Variants in GPC6 observed in about 807,000 individuals in gnomAD.
The protein encoded by GPC6 is glypican 6, also known as glypican-6.
Under a neutral mutation model 55.2 loss-of-function variants are expected in GPC6, and 14 were observed. The ratio of observed to expected loss-of-function variants is 0.25; its 90% confidence interval spans 0.17 to 0.40. The LOEUF is 0.40. Ranked by LOEUF, GPC6 falls within the 10% of genes least tolerant of loss-of-function variation. The pLI is 1.00. For synonymous variants in GPC6, 278 were observed against 259.6 expected, an observed-to-expected ratio of 1.07 and a Z score of -0.68; for missense variants, 641 against 708.5, an observed-to-expected ratio of 0.90 and a Z score of 1.08.
chr13:93,394,368 T>C (rs1009486187), intron 1 of GPC6, among the ~76,000 whole-genome samples: 1 of 152,218 alleles, frequency 6.6e-6, no homozygotes, highest in Non-Finnish European at 1.5e-5. Flanking sequence ...TTATAGTAAG[T>C]ATTCAATAAA....
intron 2 of GPC6, among the ~76,000 whole-genome samples, chr13:93,738,493 C>G (rs1884078962): frequency 6.6e-6 from 1 of 152,130 alleles, no homozygotes; most frequent in African/African-American, 2.4e-5. Flanking sequence ...ACTTTAAAAA[C>G]AAAATTAAAA....
rs140285482 is a variant in GPC6, at chr13:94,368,743, A to T, written c.1153-13671A>T. ...TCCCGAGGGAGTGAGAGAAGCTGTG[A>T]ACAGGTACATTCACAGACCTTGTTT... On this transcript the variant is annotated intron_variant, in intron 6 of 8. Transcript: ENST00000377047. Among the ~76,000 whole-genome samples the T allele has an allele frequency of 4.0e-3, 608 of 152,314 alleles. 5 individuals are homozygous for T. The highest frequency in any genetic ancestry group is 0.014 in the African/African-American group (574 of 41,556).
At chr13:93,449,687 G>T (rs1381997255) in intron 1 of GPC6, among the ~76,000 whole-genome samples, 1 of 151,988 alleles carries the variant, frequency 6.6e-6, no homozygotes, top group Non-Finnish European at 1.5e-5. Context: ...AATTAGCCAG[G>T]CGTGGTGGTG....
intron 6 of GPC6, among the ~76,000 whole-genome samples, chr13:94,318,108 G>A (rs780848382): frequency 1.5e-4 from 23 of 152,262 alleles, no homozygotes; most frequent in Non-Finnish European, 3.1e-4. Context: ...AATTGGCACC[G>A]CTCTCGGCTT....
chr13:94,262,665 T>A (rs1481146816), intron 4 of GPC6, among the ~76,000 whole-genome samples: 1 of 131,418 alleles, frequency 7.6e-6, no homozygotes, highest in African/African-American at 2.9e-5. Flanking sequence ...AGAGTGAGAC[T>A]CCGTCTCAGA....
intron 3 of GPC6, among the ~76,000 whole-genome samples, chr13:93,934,909 C>T (rs1266877627): frequency 2.0e-5 from 3 of 151,372 alleles, no homozygotes; most frequent in African/African-American, 7.3e-5. Context: ...TTTAAGGATA[C>T]AATATGTGAC....
intron 4 of GPC6, among the ~76,000 whole-genome samples, chr13:94,056,129 G>A (rs9301928): frequency 0.12 from 17,754 of 152,170 alleles, 1,368 homozygotes; most frequent in East Asian, 0.29. Flanking sequence ...AATCCTGAAG[G>A]CTGGTTCTTT....
chr13:93,682,591 G>C (rs1881887354), intron 2 of GPC6, among the ~76,000 whole-genome samples: 1 of 151,994 alleles, frequency 6.6e-6, no homozygotes, highest in Non-Finnish European at 1.5e-5. Flanking sequence ...ATTTTAGAAG[G>C]CACATTCAGT....
chr13:93,799,591 G>C lies in GPC6; in HGVS notation c.320-30563G>C, dbSNP rs143373551. 3.3e-5 allele frequency among the ~76,000 whole-genome samples: 5 copies of C among 152,288 alleles called. 1 individual carries two copies. The highest frequency in any genetic ancestry group is 7.3e-5 in the Non-Finnish European group (5 of 68,028). ...AGATTGTAGAGGGGTGGATTATCTG[G>C]CATAGTAGAAGGCACATCGGATCTG... is the stretch of plus-strand genomic sequence containing the variant. On this transcript the variant is annotated intron_variant, in intron 2 of 8. Coordinates refer to ENST00000377047, the MANE Select transcript of GPC6 (RefSeq NM_005708.5).
At chr13:93,700,442 A>G (rs537447011) in intron 2 of GPC6, among the ~76,000 whole-genome samples, 9 of 152,166 alleles carry the variant, frequency 5.9e-5, no homozygotes, top group African/African-American at 2.2e-4. Context: ...TCTCTCCTTT[A>G]CAGAAGCACT....
At chr13:94,208,280 A>G (rs960291418) in intron 4 of GPC6, among the ~76,000 whole-genome samples, 7 of 152,202 alleles carry the variant, frequency 4.6e-5, no homozygotes, top group African/African-American at 1.2e-4. Flanking sequence ...TTAAAACCTC[A>G]GGTTCTTCAT....
intron 3 of GPC6, among the ~76,000 whole-genome samples, chr13:93,867,579 A>G (rs1335306016): frequency 1.3e-5 from 2 of 151,766 alleles, no homozygotes; most frequent in East Asian, 2.0e-4. Context: ...TTCCATTTGT[A>G]TAAACTCTTC....
rs1875815647 is a variant in GPC6, at chr13:93,227,143, T to C, written c.-314T>C. 1 of 216,382 alleles carries C rather than the reference T, an allele frequency of 4.6e-6. No homozygotes were observed. Among genetic ancestry groups the C allele is most frequent in the Admixed American group, 5.7e-5 (1 of 17,584 alleles). The allele number at this position is 216,382 out of a possible 1,614,324, so 13.4% of individuals were successfully genotyped here. On this transcript the variant is annotated 5_prime_UTR_variant, in exon 1 of 9. The change abolishes an upstream ATG in the 5' untranslated region. Transcript: ENST00000377047. The surrounding 1 kb of genome is among the most constrained non-coding windows in gnomAD (Gnocchi z 4.3). ...CTCGGATTGCAGCTCTGAACCCCCA[T>C]GGTGGTTTTTTAAACACTTCTTTTC...
chr13:93,986,352 A>G (rs961057932), intron 3 of GPC6, among the ~76,000 whole-genome samples: 10 of 152,222 alleles, frequency 6.6e-5, no homozygotes, highest in African/African-American at 1.9e-4. Flanking sequence ...TTCAAGGCCA[A>G]TGAAGGATAT....
At chr13:94,224,264 TA>T (rs1890479240) in intron 4 of GPC6, among the ~76,000 whole-genome samples, 1 of 49,776 alleles carries the variant, frequency 2.0e-5, no homozygotes, top group African/African-American at 7.2e-5. Context: ...TAAATATATA[TA>T]TATATATATA....
chr13:93,545,514 G>A (rs1874741276), intron 2 of GPC6, 93 bp downstream of exon 2: 7 of 1,035,986 alleles, frequency 6.8e-6, no homozygotes, highest in Middle Eastern at 2.0e-4. Context: ...TAAAAAGGGA[G>A]CTTTTCTATC....
chr13:94,195,800 G>T (rs1594046132), intron 4 of GPC6, among the ~76,000 whole-genome samples: 1 of 152,166 alleles, frequency 6.6e-6, no homozygotes, highest in African/African-American at 2.4e-5. Flanking sequence ...TGAGAAACAT[G>T]GGGAAGAGCC....
chr13:93,234,334 G>C (rs1007637747), intron 1 of GPC6, among the ~76,000 whole-genome samples: 12 of 152,070 alleles, frequency 7.9e-5, no homozygotes, highest in Non-Finnish European at 1.5e-5. Context: ...CTGCCACCTG[G>C]GGGTCATGTC....
chr13:93,407,198 A>C (rs1332203199), intron 1 of GPC6, among the ~76,000 whole-genome samples: 1 of 152,142 alleles, frequency 6.6e-6, no homozygotes, highest in African/African-American at 2.4e-5. Context: ...AGATATTTGC[A>C]ACTTATTTTC....
Sources: allele counts gnomAD v4.1 joint callset (sites outside exome capture counted in the v4.1 genomes callset), GRCh38; gene constraint gnomAD v4.1.1; non-coding constraint Gnocchi (gnomAD v3.1); transcripts MANE v1.5; gene names NCBI Gene and HGNC (gene_info 2026-07-23, HGNC 2026-07-21).